Variants in G3BP1 observed in about 807,000 individuals in gnomAD.
The protein encoded by G3BP1 is ras GTPase-activating protein-binding protein 1.
A neutral mutation model predicts 58.6 loss-of-function variants in G3BP1; 35 were observed. That is an observed-to-expected ratio of 0.60 (90% CI 0.46 to 0.79). The LOEUF (loss-of-function observed/expected upper bound fraction) is 0.79, where lower values mean the gene tolerates loss of function less well. Ranked by LOEUF, G3BP1 falls within the 30% of genes least tolerant of loss-of-function variation. G3BP1 has a pLI of 0.00. For missense variants in G3BP1, 523 were observed against 580.8 expected (o/e 0.90, Z 1.02); for synonymous variants, 191 against 195.4 (o/e 0.98, Z 0.19).
At chr5:151,776,021 T>C (rs1343765400) in intron 1 of G3BP1, among the ~76,000 whole-genome samples, 2 of 152,224 alleles carry the variant, frequency 1.3e-5, no homozygotes, top group African/African-American at 4.8e-5. Flanking sequence ...TGAAAGACTT[T>C]ATTTGGATTT....
At chr5:151,775,183 T>A (rs1378597243) in intron 1 of G3BP1, among the ~76,000 whole-genome samples, 1 of 152,202 alleles carries the variant, frequency 6.6e-6, no homozygotes, top group Non-Finnish European at 1.5e-5. Flanking sequence ...TGTAATAAGT[T>A]CTTGGTATGT....
chr5:151,798,119 TA>T (rs1762788234), intron 7 of G3BP1, among the ~76,000 whole-genome samples: 1 of 152,226 alleles, frequency 6.6e-6, no homozygotes, highest in African/African-American at 2.4e-5. Flanking sequence ...GCAAAACAGA[TA>T]GGGGTTCTTG....
Position 151,795,256 on chromosome 5 carries a change from C to T in G3BP1, c.443-223C>T, listed in dbSNP as rs367882430. 2.3e-4 allele frequency among the ~76,000 whole-genome samples: 35 copies of T among 152,076 alleles called. 1 individual carries two copies. Among genetic ancestry groups the T allele is most frequent in the African/African-American group, 7.2e-4 (30 of 41,486 alleles). On this transcript the variant is annotated intron_variant, in intron 5 of 11. Coordinates refer to ENST00000356245, the MANE Select transcript of G3BP1 (RefSeq NM_005754.3). ...GCGCCACTGCACTCTCTAGCCTGGG[C>T]GAGAGAGCGAGACTCCGTCTCAAAA...
intron 1 of G3BP1, among the ~76,000 whole-genome samples, chr5:151,786,107 C>T (rs1018402768): frequency 6.6e-6 from 1 of 152,104 alleles, no homozygotes; most frequent in Non-Finnish European, 1.5e-5. Flanking sequence ...GCCTGGATAA[C>T]ATAGTGAAAT....
Position 151,797,226 on chromosome 5 carries a change from G to C in G3BP1, c.540-1G>C. 6.2e-7 allele frequency: 1 copy of C among 1,613,116 alleles called. No homozygotes were observed. The highest frequency in any genetic ancestry group is 8.5e-7 in the Non-Finnish European group (1 of 1,179,408). On this transcript the variant is annotated splice_acceptor_variant, in intron 6 of 11. Coordinates refer to ENST00000356245, the MANE Select transcript of G3BP1 (RefSeq NM_005754.3). LOFTEE classifies it high-confidence loss of function. ...ATATTTCTCAAATTTTCCTGTCAAA[G>C]TAATGACATGGAAGAACATTTAGAG...
At chr5:151,797,933 T>C (rs1315500351) in intron 7 of G3BP1, among the ~76,000 whole-genome samples, 1 of 152,182 alleles carries the variant, frequency 6.6e-6, no homozygotes, top group African/African-American at 2.4e-5. Flanking sequence ...TCCTTCTGAG[T>C]CTCGTCAGGG....
chr5:151,790,435 A>G (rs1762631584), intron 3 of G3BP1, 31 bp downstream of exon 3: 4 of 1,220,086 alleles, frequency 3.3e-6, no homozygotes, highest in Admixed American at 2.3e-5. Context: ...TTAGGCTGTT[A>G]AGCAGGTAGA....
In G3BP1 at chr5:151,806,822, CAAG is replaced by C. The variant is rs1324510535; in HGVS notation, c.*2732_*2734del. 1 of 151,986 alleles carries C rather than the reference CAAG, an allele frequency of 6.6e-6. No individual in the cohort carries two copies. Among genetic ancestry groups the C allele is most frequent in the Non-Finnish European group, 1.5e-5 (1 of 68,024 alleles). 9.4% of individuals were successfully genotyped at this position (151,986 alleles called of 1,614,324 possible). ...TTTTAAATTTTTATTTTTATAGAGG[CAAG>C]GTCTTGCTATGTTGTCAGGCTGGTC... On this transcript the variant is annotated 3_prime_UTR_variant, in exon 12 of 12. Transcript: ENST00000356245.
intron 1 of G3BP1, among the ~76,000 whole-genome samples, chr5:151,773,163 T>C (rs1762304964): frequency 6.8e-6 from 1 of 147,994 alleles, no homozygotes; most frequent in Non-Finnish European, 1.5e-5. Context: ...GAATTTTTTT[T>C]TCTCTACTTT....
intron 1 of G3BP1, among the ~76,000 whole-genome samples, chr5:151,782,191 A>G (rs1313433917): frequency 1.3e-5 from 2 of 152,236 alleles, no homozygotes; most frequent in East Asian, 3.9e-4. Flanking sequence ...TATAATTCTG[A>G]TTTTAATTTT....
intron 6 of G3BP1, among the ~76,000 whole-genome samples, chr5:151,796,757 A>G (rs1006386744): frequency 2.0e-5 from 3 of 152,296 alleles, no homozygotes; most frequent in Admixed American, 6.5e-5. Context: ...TGTAAAGTAC[A>G]GTAGTGTTAA....
At chr5:151,781,097 A>T (rs1303653203) in intron 1 of G3BP1, among the ~76,000 whole-genome samples, 2 of 152,214 alleles carry the variant, frequency 1.3e-5, no homozygotes, top group African/African-American at 4.8e-5. Context: ...AATAAAAAAA[A>T]TTAAGAAAAA....
At chr5:151,803,486 A>G (rs186766073) in intron 11 of G3BP1, among the ~76,000 whole-genome samples, 1 of 151,942 alleles carries the variant, frequency 6.6e-6, no homozygotes, top group Non-Finnish European at 1.5e-5. Context: ...GCTGATTTAT[A>G]ATCTGCTGGT....
At chr5:151,780,521 G>A (rs1205470157) in intron 1 of G3BP1, among the ~76,000 whole-genome samples, 1 of 151,944 alleles carries the variant, frequency 6.6e-6, no homozygotes, top group Non-Finnish European at 1.5e-5. Flanking sequence ...TTCCCCCTCC[G>A]CCGCTAGCTG....
intron 1 of G3BP1, among the ~76,000 whole-genome samples, chr5:151,785,142 C>T (rs959620544): frequency 6.6e-4 from 100 of 152,306 alleles, no homozygotes; most frequent in Non-Finnish European, 2.9e-4. Context: ...CGTGAGCCAC[C>T]GTGACCAGCC....
chr5:151,793,240 C>T (rs1762690825), intron 4 of G3BP1, among the ~76,000 whole-genome samples: 1 of 152,140 alleles, frequency 6.6e-6, no homozygotes, highest in Non-Finnish European at 1.5e-5. Context: ...TCCCTAGCAG[C>T]TGGGACTACA....
At chr5:151,785,820 T>G (rs1450858128) in intron 1 of G3BP1, among the ~76,000 whole-genome samples, 1 of 152,236 alleles carries the variant, frequency 6.6e-6, no homozygotes, top group Non-Finnish European at 1.5e-5. Flanking sequence ...TCTTGTAGTT[T>G]CTTTTTAAAA....
intron 1 of G3BP1, among the ~76,000 whole-genome samples, chr5:151,776,772 C>T (rs752705069): frequency 5.3e-5 from 8 of 151,544 alleles, no homozygotes; most frequent in Non-Finnish European, 1.0e-4. Flanking sequence ...TATAAAATAT[C>T]GTCCAGGCTG....
intron 2 of G3BP1, among the ~76,000 whole-genome samples, chr5:151,788,391 T>G (rs1762586961): frequency 6.6e-6 from 1 of 151,716 alleles, no homozygotes; most frequent in South Asian, 2.1e-4. Flanking sequence ...GTCTCAAAGC[T>G]GTTTTTACCC....
Sources: gnomAD v4.1 joint callset for allele counts (sites outside exome capture counted in the v4.1 genomes callset) on GRCh38, gnomAD v4.1.1 for gene constraint, MANE v1.5 for transcripts, NCBI Gene and HGNC (gene_info 2026-07-23, HGNC 2026-07-21) for gene names.